Variants in COMMD1 observed in about 807,000 individuals in gnomAD.
COMMD1 encodes the protein copper metabolism domain containing 1, also known as COMM domain-containing protein 1.
COMMD1 carries 10 observed loss-of-function variants against 17.2 expected under a neutral mutation model. The observed-to-expected ratio is 0.58, with a 90% CI of 0.36 to 0.99. The LOEUF is 0.99. COMMD1 is among the 50% of genes least tolerant of loss of function. The probability of loss-of-function intolerance (pLI) is 0.01; values close to 1 mark genes in which losing one functional copy is unlikely to be tolerated. For synonymous variants in COMMD1, 97 were observed against 91.6 expected (o/e 1.06, Z -0.34); for missense variants, 270 against 231.8 (o/e 1.17, Z -1.07).
intron 1 of COMMD1, among the ~76,000 whole-genome samples, chr2:61,978,016 C>T (rs1671852356): frequency 6.6e-6 from 1 of 151,644 alleles, no homozygotes; most frequent in African/African-American, 2.4e-5. Context: ...GACATTGAGC[C>T]AGGCATGGTG....
At chr2:61,926,268 G>A (rs1670327750) in intron 1 of COMMD1, among the ~76,000 whole-genome samples, 1 of 152,102 alleles carries the variant, frequency 6.6e-6, no homozygotes. Context: ...ACTGCGTCTG[G>A]CGAGTTAGTG....
chr2:62,000,239 G>T (rs918766600), intron 1 of COMMD1, among the ~76,000 whole-genome samples: 17 of 148,048 alleles, frequency 1.1e-4, no homozygotes, highest in Non-Finnish European at 2.4e-4. Context: ...ACTGTCCCTT[G>T]ATGACCTTTT....
At chr2:61,994,740 T>C (rs934302961) in intron 1 of COMMD1, among the ~76,000 whole-genome samples, 1 of 152,118 alleles carries the variant, frequency 6.6e-6, no homozygotes, top group African/African-American at 2.4e-5. Context: ...CTCACTTCAT[T>C]CTATTTTCTT....
intron 2 of COMMD1, among the ~76,000 whole-genome samples, chr2:62,022,592 T>A (rs1669640961): frequency 1.5e-5 from 2 of 137,330 alleles, no homozygotes; most frequent in Non-Finnish European, 3.1e-5. Context: ...AGTTTCACCA[T>A]TTTTTTTTTT....
chr2:62,073,132 A>G (rs771135286), intron 2 of COMMD1, among the ~76,000 whole-genome samples: 11 of 152,122 alleles, frequency 7.2e-5, no homozygotes, highest in Non-Finnish European at 1.5e-4. Context: ...CCCACAGTAT[A>G]TTTCTTTGAC....
chr2:61,933,532 T>C (rs1004182044), intron 1 of COMMD1, among the ~76,000 whole-genome samples: 1 of 151,856 alleles, frequency 6.6e-6, no homozygotes, highest in Admixed American at 6.6e-5. Flanking sequence ...GGGTGAGCCA[T>C]GATGGGCCTG....
At chr2:62,133,411 G>A (rs1195732054) in intron 2 of COMMD1, among the ~76,000 whole-genome samples, 2 of 152,016 alleles carry the variant, frequency 1.3e-5, no homozygotes, top group Non-Finnish European at 2.9e-5. Flanking sequence ...CGTAGGGGAC[G>A]AAAAAGTTTT....
At chr2:62,102,360 A>G (rs1558600586) in intron 2 of COMMD1, among the ~76,000 whole-genome samples, 1 of 152,160 alleles carries the variant, frequency 6.6e-6, no homozygotes, top group Non-Finnish European at 1.5e-5. Flanking sequence ...TACAGATGCC[A>G]TTTCCTTCAT....
chr2:62,120,404 T>G (rs924212334), intron 2 of COMMD1, among the ~76,000 whole-genome samples: 6 of 152,088 alleles, frequency 3.9e-5, no homozygotes, highest in Non-Finnish European at 8.8e-5. Context: ...GCAAATGGAA[T>G]GAACCTCATC....
intron 1 of COMMD1, among the ~76,000 whole-genome samples, chr2:61,906,095 C>T (rs1285158656): frequency 6.6e-6 from 1 of 152,194 alleles, no homozygotes; most frequent in African/African-American, 2.4e-5. Flanking sequence ...AGACTGACAC[C>T]CACAGGGGTT....
chr2:61,911,857 C>T (rs761032017), intron 1 of COMMD1, among the ~76,000 whole-genome samples: 9 of 152,190 alleles, frequency 5.9e-5, no homozygotes, highest in Non-Finnish European at 1.0e-4. Context: ...CTTACATGAT[C>T]TTACCCTTAC....
At chr2:62,044,308 C>G (rs1354860662) in intron 2 of COMMD1, among the ~76,000 whole-genome samples, 1 of 152,178 alleles carries the variant, frequency 6.6e-6, no homozygotes, top group Non-Finnish European at 1.5e-5. Flanking sequence ...AGTTAGTCTT[C>G]GTAACATTAG....
chr2:62,009,254 A>T (rs1475156908), intron 2 of COMMD1, among the ~76,000 whole-genome samples: 1 of 152,176 alleles, frequency 6.6e-6, no homozygotes, highest in Non-Finnish European at 1.5e-5. Context: ...TTCAACTTAC[A>T]GTTGAATTTA....
intron 1 of COMMD1, among the ~76,000 whole-genome samples, chr2:61,908,274 T>G (rs1669821688): frequency 6.6e-6 from 1 of 150,940 alleles, no homozygotes. Context: ...GTTGCCAGAC[T>G]GGAGTGCAGT....
intron 2 of COMMD1, among the ~76,000 whole-genome samples, chr2:62,022,437 TACCGGCGC>T: frequency 1.3e-5 from 2 of 150,896 alleles, no homozygotes; most frequent in Non-Finnish European, 1.5e-5. Context: ...TAATATTATT[TACCGGCGC>T]TTCTTTTTTT....
At chr2:62,073,263 AG>A (rs1433740349) in intron 2 of COMMD1, among the ~76,000 whole-genome samples, 1 of 152,222 alleles carries the variant, frequency 6.6e-6, no homozygotes, top group Non-Finnish European at 1.5e-5. Flanking sequence ...TTCCCTTTCT[AG>A]GCCTTTCCTG....
chr2:62,013,453 C>G (rs1669344586), intron 2 of COMMD1, among the ~76,000 whole-genome samples: 1 of 152,130 alleles, frequency 6.6e-6, no homozygotes, highest in African/African-American at 2.4e-5. Flanking sequence ...CAGGTCCCTT[C>G]CTTTAAAAAC....
chr2:62,109,359 C>CTAA (rs1324612750), intron 2 of COMMD1, among the ~76,000 whole-genome samples: 41 of 152,168 alleles, frequency 2.7e-4, no homozygotes, highest in African/African-American at 9.9e-4. Flanking sequence ...TTTAAAACAG[C>CTAA]TAATATACAG....
At chr2:62,017,323 C>A (rs143172765) in intron 2 of COMMD1, among the ~76,000 whole-genome samples, 1 of 152,138 alleles carries the variant, frequency 6.6e-6, no homozygotes, top group Non-Finnish European at 1.5e-5. Flanking sequence ...TACTGGCCTC[C>A]GTCCACACAC....
Sources: gnomAD v4.1 joint callset for allele counts (sites outside exome capture counted in the v4.1 genomes callset) on GRCh38, gnomAD v4.1.1 for gene constraint, MANE v1.5 for transcripts, NCBI Gene and HGNC (gene_info 2026-07-23, HGNC 2026-07-21) for gene names.